Variants in ZNF275 observed in about 807,000 individuals in gnomAD.
ZNF275 encodes zinc finger protein 275.
ZNF275 carries 4 observed loss-of-function variants against 4.3 expected under a neutral mutation model. The ratio of observed to expected loss-of-function variants is 0.93; its 90% CI spans 0.46 to 2.13. The LOEUF is 2.13. Ranked by LOEUF, ZNF275 falls within the 30% of genes most tolerant of loss-of-function variation. The pLI, the probability that ZNF275 is intolerant of heterozygous loss-of-function variation, is 0.02. For synonymous variants in ZNF275, 173 were observed against 166.9 expected (o/e 1.04, Z -0.28); for missense variants, 352 against 397.1 (o/e 0.89, Z 0.97).
chrX:153,337,481 T>C (rs1323446552), intron 2 of ZNF275, among the ~76,000 whole-genome samples: 2 of 112,259 alleles, frequency 1.8e-5, no homozygotes, highest in Non-Finnish European at 3.8e-5. Flanking sequence ...AGTGGAATGA[T>C]TATTTTGAGA....
At chrX:153,337,645 A>G (rs2088454863) in intron 2 of ZNF275, among the ~76,000 whole-genome samples, 2 of 112,308 alleles carry the variant, frequency 1.8e-5, no homozygotes, top group Admixed American at 1.9e-4. Context: ...ATCAGGCAGT[A>G]GGTTGACATT....
chrX:153,335,526 T>A (rs1444295235), intron 1 of ZNF275: 1 of 105,778 alleles, frequency 9.5e-6, no homozygotes, highest in African/African-American at 3.4e-5. Flanking sequence ...CTGAACTGGG[T>A]CAGACACTGA....
rs1312402668 is a variant in ZNF275 at position 153,349,014 on chromosome X, A to G, written c.*1039A>G. On this transcript the variant is annotated 3_prime_UTR_variant, in exon 4 of 4. Transcript: ENST00000650114. ...GAACTAATGGGTCTTGTCCTCAAGCAGCACTATTTTGTTCAAAATAAAATA... is the reference window on the plus strand; with the variant it reads ...GAACTAATGGGTCTTGTCCTCAAGCGGCACTATTTTGTTCAAAATAAAATA... 8.1e-6 allele frequency: 1 copy of G among 123,449 alleles called. No individual in the cohort carries two copies. Among genetic ancestry groups the G allele is most frequent in the African/African-American group, 3.2e-5 (1 of 30,789 alleles). 10.2% of individuals were successfully genotyped at this position (123,449 alleles called of 1,213,427 possible). A position where few individuals can be genotyped will look rare whatever the true frequency, so the allele number is the denominator to read the frequency against.
In ZNF275 at chrX:153,348,340, C is replaced by T. The variant is rs1292860521; in HGVS notation, c.*365C>T. 1.6e-5 allele frequency: 2 copies of T among 123,518 alleles called. No homozygotes were observed. The highest frequency in any genetic ancestry group is 6.5e-5 in the African/African-American group (2 of 30,535). The allele number at this position is 123,518 out of a possible 1,213,427, so 10.2% of individuals were successfully genotyped here. ...CAGAGCTGTTCCACGATGGCGTCCT[C>T]ATAATGTGATCCCAGCTTTCCTGAA... On this transcript the variant is annotated 3_prime_UTR_variant, in exon 4 of 4. Transcript: ENST00000650114.
intron 2 of ZNF275, among the ~76,000 whole-genome samples, chrX:153,336,932 A>C (rs1436973512): frequency 5.4e-5 from 6 of 111,529 alleles, no homozygotes; most frequent in Non-Finnish European, 1.1e-4. Context: ...CAGGAAAGAG[A>C]ATCTGGAGTC....
rs3257 is a variant in ZNF275, at chrX:153,351,525, G to C, written c.*3550G>C. 21,639 of 110,970 alleles carry C rather than the reference G, an allele frequency of 0.19. 1,569 individuals carry two copies. Among genetic ancestry groups the C allele is most frequent in the South Asian group, 0.31 (798 of 2,535 alleles). The allele number at this position is 110,970 out of a possible 1,213,427, so 9.1% of individuals were successfully genotyped here. ...ATTGGGTTTCCACGCACGTGCATGA[G>C]ATGTTCCTCCTTCAAACCTTGTTAC... On this transcript the variant is annotated 3_prime_UTR_variant, in exon 4 of 4. Transcript: ENST00000650114.
In ZNF275 at chrX:153,340,287, C is replaced by A. The variant is rs182617626; in HGVS notation, c.31+3577C>A. On this transcript the variant is annotated intron_variant, in intron 2 of 3. Coordinates refer to ENST00000650114, the MANE Select transcript of ZNF275 (RefSeq NM_001367757.1). ...GGGGCTAGATGAGGCCTTCTGCCCGCACTTCTTAGGTGCTGATAGCTTGCA... is the reference window on the plus strand; with the variant it reads ...GGGGCTAGATGAGGCCTTCTGCCCGAACTTCTTAGGTGCTGATAGCTTGCA... 3.6e-5 allele frequency among the ~76,000 whole-genome samples: 4 copies of A among 112,314 alleles called. No homozygotes were observed. In the East Asian group the frequency reaches 8.5e-4, roughly 24 times the overall value.
rs1318573411 is a variant in ZNF275, at chrX:153,349,989, C to T, written c.*2014C>T. 7 of 124,045 alleles carry T rather than the reference C, an allele frequency of 5.6e-5. 1 individual carries two copies. The highest frequency in any genetic ancestry group is 2.3e-4 in the African/African-American group (7 of 31,019). The allele number at this position is 124,045 out of a possible 1,213,427, so 10.2% of individuals were successfully genotyped here. Reference sequence around the variant, plus strand: ...CAAACTTGGTCTGGGAGCAAGCAGCCCAGCCATCCTTTGAGCTCCTGGGAG... The same window carrying T: ...CAAACTTGGTCTGGGAGCAAGCAGCTCAGCCATCCTTTGAGCTCCTGGGAG... On this transcript the variant is annotated 3_prime_UTR_variant, in exon 4 of 4. Transcript: ENST00000650114.
At chrX:153,337,275 G>C (rs1354087626) in intron 2 of ZNF275, among the ~76,000 whole-genome samples, 1 of 111,714 alleles carries the variant, frequency 9.0e-6, no homozygotes, top group Non-Finnish European at 1.9e-5. Flanking sequence ...GGCTATTTGT[G>C]CGATAAAATC....
intron 2 of ZNF275, among the ~76,000 whole-genome samples, chrX:153,342,995 C>T (rs782765626): frequency 1.8e-5 from 2 of 112,687 alleles, no homozygotes; most frequent in African/African-American, 3.2e-5. Flanking sequence ...CACACAGTCT[C>T]GATCTGGAAA....
At chrX:153,338,016 A>G (rs928073827) in intron 2 of ZNF275, among the ~76,000 whole-genome samples, 1 of 110,945 alleles carries the variant, frequency 9.0e-6, no homozygotes, top group African/African-American at 3.3e-5. Context: ...AATGATTTTC[A>G]TGTTCTGTCT....
chrX:153,344,657 G>A (rs376020758), intron 2 of ZNF275: 4 of 374,202 alleles, frequency 1.1e-5, no homozygotes, highest in Non-Finnish European at 2.1e-5. Flanking sequence ...GATGAGCCCT[G>A]GGAATTCTTT....
chrX:153,336,703 T>C lies in ZNF275; in HGVS notation c.24T>C (p.Ser8=). 2 of 1,167,666 alleles carry C rather than the reference T, an allele frequency of 1.7e-6. No homozygotes were observed. The highest frequency in any genetic ancestry group is 2.3e-6 in the Non-Finnish European group (2 of 872,934). The change falls in exon 2 of 4, where the codon TCT becomes TCC. Residue 8 remains serine (S), a synonymous_variant. Transcript: ENST00000650114. MMSHPCV[S]LLGVPVLNPA... is the part of the protein sequence containing the mutation. ...GCATGATGAGTCATCCGTGTGTGTC[T>C]CTTTTGGGTAAGTCTGGGTGTTTAT...
In ZNF275 at chrX:153,347,990, C is replaced by T; in HGVS notation, c.*15C>T. ...ACCACGAGTAGAAACGCCCTGTGGT[C>T]CCGCGGGACAGGGACGGAGTCCCCA... On this transcript the variant is annotated 3_prime_UTR_variant, in exon 4 of 4. Coordinates refer to ENST00000650114, the MANE Select transcript of ZNF275 (RefSeq NM_001367757.1). 5.5e-6 allele frequency: 6 copies of T among 1,100,731 alleles called. No homozygotes were observed. Among genetic ancestry groups the T allele is most frequent in the Non-Finnish European group, 7.1e-6 (6 of 839,494 alleles). 90.7% of individuals were successfully genotyped at this position (1,100,731 alleles called of 1,213,427 possible).
chrX:153,343,312 T>C (rs1463739166), intron 2 of ZNF275: 1 of 275,604 alleles, frequency 3.6e-6, no homozygotes, highest in Non-Finnish European at 6.8e-6. Context: ...TCCTTTTCAC[T>C]GAATTATGAG....
At chrX:153,338,692 G>A in intron 2 of ZNF275, among the ~76,000 whole-genome samples, 1 of 102,859 alleles carries the variant, frequency 9.7e-6, no homozygotes. Context: ...GTGTGTGTGT[G>A]TGTGTGTGTG....
chrX:153,344,525 G>A (rs2088499282), intron 2 of ZNF275: 1 of 325,297 alleles, frequency 3.1e-6, no homozygotes, highest in Admixed American at 3.0e-5. Flanking sequence ...CTCTTTTCAG[G>A]ACTTCTTGGA....
Position 153,345,504 on chromosome X carries a change from C to T in ZNF275, c.32-16C>T. ...CTCTGGCTGTTGCCATAACCAATCT[C>T]CTTTCCCATGAGCAGGCGTTCCTGT... On this transcript the variant is annotated splice_polypyrimidine_tract_variant and intron_variant, in intron 2 of 3. Transcript: ENST00000650114. 8.4e-7 allele frequency: 1 copy of T among 1,188,081 alleles called. No individual in the cohort carries two copies. Among genetic ancestry groups the T allele is most frequent in the East Asian group, 3.0e-5 (1 of 33,691 alleles).
At chrX:153,346,306 G>T (rs782279957) in intron 3 of ZNF275, among the ~76,000 whole-genome samples, 1 of 110,075 alleles carries the variant, frequency 9.1e-6, no homozygotes, top group African/African-American at 3.3e-5. Flanking sequence ...AGCTCTTGAC[G>T]GTGAGGTTAG....
Sources: allele counts gnomAD v4.1 joint callset (sites outside exome capture counted in the v4.1 genomes callset), GRCh38; gene constraint gnomAD v4.1.1; transcripts MANE v1.5; gene names NCBI Gene and HGNC (gene_info 2026-07-23, HGNC 2026-07-21).